Variants in SPATA17 observed in about 807,000 individuals in gnomAD.
The protein encoded by SPATA17 is spermatogenesis-associated protein 17.
A neutral mutation model predicts 62.2 loss-of-function variants in SPATA17; 53 were observed. That is an observed-to-expected ratio of 0.85 (90% confidence interval 0.68 to 1.07). The LOEUF is 1.07. Among genes scored for constraint, SPATA17 ranks in the 50% least tolerant of loss-of-function variants. The pLI is 0.00. For missense variants in SPATA17, 466 were observed against 425.5 expected (o/e 1.10, Z -0.84); for synonymous variants, 146 against 146.8 (o/e 0.99, Z 0.04).
At chr1:217,670,366 A>C (rs1670805744) in intron 4 of SPATA17, among the ~76,000 whole-genome samples, 1 of 152,192 alleles carries the variant, frequency 6.6e-6, no homozygotes, top group Non-Finnish European at 1.5e-5. Context: ...GGAGAAGCAC[A>C]GAAGATAGAG....
intron 9 of SPATA17, among the ~76,000 whole-genome samples, chr1:217,847,725 G>A (rs1246874945): frequency 6.6e-6 from 1 of 152,078 alleles, no homozygotes; most frequent in African/African-American, 2.4e-5. Context: ...TAAGGTAAAT[G>A]TAACTACATA....
intron 8 of SPATA17, among the ~76,000 whole-genome samples, chr1:217,783,179 TATG>T (rs946607342): frequency 2.0e-5 from 3 of 150,594 alleles, no homozygotes; most frequent in African/African-American, 7.3e-5. Flanking sequence ...TAATAATTTA[TATG>T]ATAATTATAA....
chr1:217,791,441 A>G (rs771595197), intron 8 of SPATA17, among the ~76,000 whole-genome samples: 6 of 152,212 alleles, frequency 3.9e-5, no homozygotes, highest in Non-Finnish European at 8.8e-5. Flanking sequence ...GAATTTGTCT[A>G]CAAAAGAGCC....
intron 6 of SPATA17, among the ~76,000 whole-genome samples, chr1:217,773,375 C>A (rs779728029): frequency 6.6e-6 from 1 of 151,854 alleles, no homozygotes; most frequent in Non-Finnish European, 1.5e-5. Flanking sequence ...TGTAACTTCT[C>A]CTTTTAAATA....
At position 217,870,927 on chromosome 1, in the gene SPATA17, A is replaced by G. The variant is rs1206752744; in HGVS notation, c.*3908A>G. The G allele has an allele frequency of 6.6e-6, 1 of 152,206 alleles. No individual in the cohort carries two copies. Among genetic ancestry groups the G allele is most frequent in the Admixed American group, 6.6e-5 (1 of 15,266 alleles). 9.4% of individuals were successfully genotyped at this position (152,206 alleles called of 1,614,324 possible). On this transcript the variant is annotated 3_prime_UTR_variant, in exon 11 of 11. Transcript: ENST00000366933. ...AATCCATCGAATGTGCTAATGATAA[A>G]TAAAGAAGTTCAAAAAAATCTTTTA...
intron 6 of SPATA17, among the ~76,000 whole-genome samples, chr1:217,744,759 G>A (rs936994506): frequency 6.6e-6 from 1 of 152,120 alleles, no homozygotes. Context: ...TCATCAGACA[G>A]AGCTGAGTTG....
intron 5 of SPATA17, among the ~76,000 whole-genome samples, chr1:217,687,174 TA>T (rs1218547004): frequency 6.6e-6 from 1 of 152,194 alleles, no homozygotes; most frequent in East Asian, 1.9e-4. Context: ...TTTTAGTAAT[TA>T]AAACATTTAG....
At chr1:217,670,673 G>A (rs1402214337) in intron 4 of SPATA17, among the ~76,000 whole-genome samples, 3 of 152,140 alleles carry the variant, frequency 2.0e-5, no homozygotes, top group East Asian at 1.9e-4. Context: ...ACACCTGGCC[G>A]GGTATGGTGG....
chr1:217,758,552 G>A (rs978785767), intron 6 of SPATA17, among the ~76,000 whole-genome samples: 9 of 152,128 alleles, frequency 5.9e-5, no homozygotes, highest in African/African-American at 2.2e-4. Flanking sequence ...TGGGAATTTG[G>A]ATTTTGTTAA....
intron 10 of SPATA17, 35 bp downstream of exon 10, chr1:217,862,891 A>G (rs765987258): frequency 7.1e-7 from 1 of 1,405,588 alleles, no homozygotes; most frequent in Admixed American, 1.9e-5. Flanking sequence ...TTCAAAAAGT[A>G]TATTAAATAA....
chr1:217,654,240 C>T lies in SPATA17; in HGVS notation c.240+3062C>T, dbSNP rs565208371. ...GCAACCTCTGCCTCCCTGATTCAAA[C>T]GATTCTCCTGCCTCAACTTCCCAAG... On this transcript the variant is annotated intron_variant, in intron 3 of 10. Coordinates refer to ENST00000366933, the MANE Select transcript of SPATA17 (RefSeq NM_138796.4). Among the ~76,000 whole-genome samples the T allele has an allele frequency of 4.6e-5, 7 of 151,560 alleles. No homozygotes were observed. The East Asian group carries it at 9.7e-4, about 21-fold the overall frequency.
At chr1:217,840,653 T>A (rs1351901411) in intron 9 of SPATA17, among the ~76,000 whole-genome samples, 1 of 151,508 alleles carries the variant, frequency 6.6e-6, no homozygotes, top group African/African-American at 2.4e-5. Flanking sequence ...AGCCCAGGAG[T>A]TAGAGACCAG....
rs747672691 is a variant in SPATA17 at position 217,683,346 on chromosome 1, C to A, written c.380C>A (p.Thr127Asn). The A allele has an allele frequency of 1.2e-6, 2 of 1,605,476 alleles. No individual in the cohort carries two copies. Among genetic ancestry groups the A allele is most frequent in the Non-Finnish European group, 1.7e-6 (2 of 1,174,010 alleles). ...GAGTACCTGAAAGTCGTTTCAGAGA[C>A]CAATGATGCAATTAGGTAAGTAGTG... is the stretch of plus-strand genomic sequence containing the variant. ...LKEYLKVVSE[T>N]NDAIRKALEE... The change falls in exon 5 of 11, where the codon ACC becomes AAC. Residue 127 changes from threonine to asparagine, a missense_variant. By Grantham distance (65) the Thr-to-Asn change is moderately conservative. Coordinates refer to ENST00000366933, the MANE Select transcript of SPATA17 (RefSeq NM_138796.4).
At chr1:217,694,455 G>T (rs1671409497) in intron 5 of SPATA17, among the ~76,000 whole-genome samples, 1 of 140,792 alleles carries the variant, frequency 7.1e-6, no homozygotes, top group African/African-American at 2.7e-5. Context: ...CAACTTGCCA[G>T]TCTGTGTCTT....
At chr1:217,851,479 T>G (rs1675664313) in intron 9 of SPATA17, among the ~76,000 whole-genome samples, 1 of 152,164 alleles carries the variant, frequency 6.6e-6, no homozygotes, top group African/African-American at 2.4e-5. Flanking sequence ...TTTAATTCTT[T>G]CATTTAAAAA....
intron 1 of SPATA17, among the ~76,000 whole-genome samples, chr1:217,632,596 C>T (rs1669828988): frequency 6.6e-6 from 1 of 152,138 alleles, no homozygotes; most frequent in Non-Finnish European, 1.5e-5. Context: ...TAATATCTAT[C>T]TCCCCTCTTA....
chr1:217,808,489 A>G (rs1464601495), intron 9 of SPATA17, among the ~76,000 whole-genome samples: 1 of 152,158 alleles, frequency 6.6e-6, no homozygotes, highest in Non-Finnish European at 1.5e-5. Context: ...GATTCTATTA[A>G]TAGTCTATCA....
chr1:217,857,243 A>G (rs1675806575), intron 9 of SPATA17, among the ~76,000 whole-genome samples: 1 of 152,196 alleles, frequency 6.6e-6, no homozygotes, highest in African/African-American at 2.4e-5. Flanking sequence ...ATAACTAGAG[A>G]AACAGTGCAG....
intron 6 of SPATA17, among the ~76,000 whole-genome samples, chr1:217,745,950 A>G (rs942288180): frequency 1.3e-5 from 2 of 152,090 alleles, no homozygotes; most frequent in African/African-American, 4.8e-5. Flanking sequence ...CAAAAGACAC[A>G]CATTTCAATC....
Sources: gnomAD v4.1 joint callset for allele counts (sites outside exome capture counted in the v4.1 genomes callset) on GRCh38, gnomAD v4.1.1 for gene constraint, MANE v1.5 for transcripts, NCBI Gene and HGNC (gene_info 2026-07-23, HGNC 2026-07-21) for gene names.